Variants in CACNA1C observed in about 807,000 individuals in gnomAD.
CACNA1C encodes voltage-dependent L-type calcium channel subunit alpha-1C.
In CACNA1C, 30 loss-of-function variants were observed where a neutral mutation model predicts 229.0. The observed-to-expected ratio is 0.13, with a 90% CI of 0.10 to 0.18. CACNA1C has a LOEUF of 0.18. Among genes scored for constraint, CACNA1C ranks in the 10% least tolerant of loss-of-function variants. The probability of loss-of-function intolerance (pLI) is 1.00; values close to 1 mark genes in which losing one functional copy is unlikely to be tolerated. For missense variants in CACNA1C, 1,658 were observed against 2,845.0 expected, an observed-to-expected ratio of 0.58 and a Z score of 9.49; for synonymous variants, 1,114 against 1,132.5, an observed-to-expected ratio of 0.98 and a Z score of 0.33.
intron 3 of CACNA1C, among the ~76,000 whole-genome samples, chr12:2,242,380 G>T (rs892498661): frequency 1.3e-5 from 2 of 152,182 alleles, no homozygotes; most frequent in African/African-American, 4.8e-5. Flanking sequence ...AGGAACAATG[G>T]GGGACCAGGG....
intron 3 of CACNA1C, among the ~76,000 whole-genome samples, chr12:2,214,101 T>C (rs1010232502): frequency 1.3e-5 from 2 of 152,214 alleles, no homozygotes; most frequent in African/African-American, 4.8e-5. Context: ...CTGACATCTG[T>C]CCCTCAAGGG....
chr12:2,021,745 G>C (rs1354301727), intron 1 of CACNA1C, among the ~76,000 whole-genome samples: 4 of 152,154 alleles, frequency 2.6e-5, no homozygotes, highest in Non-Finnish European at 5.9e-5. Context: ...CTAGGCGCCA[G>C]CATCTGGTGA....
At chr12:2,211,880 G>A (rs543533382) in intron 3 of CACNA1C, among the ~76,000 whole-genome samples, 3 of 151,868 alleles carry the variant, frequency 2.0e-5, no homozygotes, top group Admixed American at 1.3e-4. Context: ...CACCACTCCC[G>A]GCTAATTTTT....
intron 43 of CACNA1C, among the ~76,000 whole-genome samples, 189 bp downstream of exon 43, chr12:2,682,867 A>AACACAAC: frequency 3.5e-4 from 1 of 2,860 alleles, no homozygotes; most frequent in Admixed American, 4.7e-3. Flanking sequence ...AACACACACA[A>AACACAAC]ACACACACAC....
intron 7 of CACNA1C, among the ~76,000 whole-genome samples, chr12:2,501,497 G>A (rs528375452): frequency 9.2e-5 from 14 of 152,278 alleles, no homozygotes; most frequent in Admixed American, 2.6e-4. Context: ...TTGAACAAAC[G>A]TGGACTCTGA....
chr12:2,679,915 T>C lies in CACNA1C; in HGVS notation c.5444+119T>C, dbSNP rs1301990791. 7 of 735,594 alleles carry C rather than the reference T, an allele frequency of 9.5e-6. No homozygotes were observed. In the African/African-American group the frequency reaches 1.2e-4, roughly 13 times the overall value. 45.6% of individuals were successfully genotyped at this position (735,594 alleles called of 1,614,324 possible). ...ACTTGTCCCTCAAGCTTCCAGGAGG[T>C]TGCTGCCCCAGACTCCAGCAAGAGC... On this transcript the variant is annotated intron_variant, in intron 42 of 46. Coordinates refer to ENST00000399655, the MANE Select transcript of CACNA1C (RefSeq NM_000719.7). The surrounding 1 kb of genome is among the most constrained non-coding windows in gnomAD (Gnocchi z 5.5).
At chr12:2,345,062 A>G (rs913994480) in intron 3 of CACNA1C, among the ~76,000 whole-genome samples, 1 of 148,892 alleles carries the variant, frequency 6.7e-6, no homozygotes, top group Admixed American at 6.8e-5. Flanking sequence ...TCTGGCCGTG[A>G]GCCCCATGTC....
intron 3 of CACNA1C, among the ~76,000 whole-genome samples, chr12:2,193,457 A>AAAAAAAAC (rs2097304357): frequency 6.6e-6 from 1 of 152,216 alleles, no homozygotes; most frequent in South Asian, 2.1e-4. Context: ...CCTGTCTCAA[A>AAAAAAAAC]AAAAAACAAA....
chr12:2,039,493 A>G (rs1481521528), intron 1 of CACNA1C, among the ~76,000 whole-genome samples: 1 of 152,238 alleles, frequency 6.6e-6, no homozygotes, highest in African/African-American at 2.4e-5. Context: ...TCAGATGTTT[A>G]TTAAGCACTT....
Position 2,651,490 on chromosome 12 carries a change from G to T in CACNA1C, c.3946-150G>T, listed in dbSNP as rs2094964650. On this transcript the variant is annotated intron_variant, in intron 31 of 46. Coordinates refer to ENST00000399655, the MANE Select transcript of CACNA1C (RefSeq NM_000719.7). The surrounding 1 kb of genome is among the most constrained non-coding windows in gnomAD (Gnocchi z 5.4). ...TGTCCACTCATTAAAGTGGGCGGCC[G>T]CCCTCCCATCGGAGGGGGAAGTCTA... 14 of 1,146,332 alleles carry T rather than the reference G, an allele frequency of 1.2e-5. No homozygotes were observed. Among genetic ancestry groups the T allele is most frequent in the Non-Finnish European group, 1.8e-5 (14 of 777,894 alleles). The allele number at this position is 1,146,332 out of a possible 1,614,324, so 71.0% of individuals were successfully genotyped here. A position where few individuals can be genotyped will look rare whatever the true frequency, so the allele number is the denominator to read the frequency against.
intron 9 of CACNA1C, among the ~76,000 whole-genome samples, chr12:2,541,192 T>C (rs2099869272): frequency 6.6e-6 from 1 of 152,162 alleles, no homozygotes; most frequent in African/African-American, 2.4e-5. Context: ...CTCAGAGGTA[T>C]GCGGGGGCTG....
At chr12:2,318,407 A>G (rs2154492943) in intron 3 of CACNA1C, among the ~76,000 whole-genome samples, 1 of 152,372 alleles carries the variant, frequency 6.6e-6, no homozygotes, top group East Asian at 1.9e-4. Flanking sequence ...CTGTTGAGCC[A>G]TAAGCCAGCA....
intron 8 of CACNA1C, among the ~76,000 whole-genome samples, chr12:2,508,011 C>A (rs1382847070): frequency 6.6e-6 from 1 of 152,240 alleles, no homozygotes; most frequent in African/African-American, 2.4e-5. Flanking sequence ...AGCCAGCAGG[C>A]ACACAGAATC....
chr12:2,375,589 T>C (rs1222505764), intron 3 of CACNA1C, among the ~76,000 whole-genome samples: 1 of 152,232 alleles, frequency 6.6e-6, no homozygotes, highest in Non-Finnish European at 1.5e-5. Context: ...GTATTTCAAC[T>C]TCCCATTTAT....
chr12:2,631,894 T>A (rs1191649443), intron 29 of CACNA1C, among the ~76,000 whole-genome samples: 1 of 152,094 alleles, frequency 6.6e-6, no homozygotes, highest in African/African-American at 2.4e-5. Flanking sequence ...TGTCTTTCGG[T>A]CCCTCTGGAA....
chr12:2,426,472 C>A (rs2099033437), intron 3 of CACNA1C, among the ~76,000 whole-genome samples: 1 of 152,134 alleles, frequency 6.6e-6, no homozygotes, highest in African/African-American at 2.4e-5. Flanking sequence ...CAGGTAAATT[C>A]TTACAGATAG....
chr12:2,364,517 T>A (rs2097669848), intron 3 of CACNA1C, among the ~76,000 whole-genome samples: 1 of 152,118 alleles, frequency 6.6e-6, no homozygotes, highest in Admixed American at 6.5e-5. Context: ...AAATGTGACT[T>A]CTTAATACCG....
chr12:2,329,366 A>G (rs1182067635), intron 3 of CACNA1C, among the ~76,000 whole-genome samples: 1 of 152,230 alleles, frequency 6.6e-6, no homozygotes, highest in Non-Finnish European at 1.5e-5. Flanking sequence ...CTGTCTTGAC[A>G]TTACCTAGCT....
chr12:2,452,656 AC>A lies in CACNA1C; in HGVS notation c.617+3544del, dbSNP rs569661167. Among the ~76,000 whole-genome samples, 6 of 152,156 alleles carry A rather than the reference AC, an allele frequency of 3.9e-5. No individual in the cohort carries two copies. In the South Asian group the frequency reaches 1.2e-3, roughly 32 times the overall value. ...GGAGAAATACACCAGCCACTCCTAC[AC>A]CCATGTTTGAATTTTCTACCCTTTC... On this transcript the variant is annotated intron_variant, in intron 4 of 46. Coordinates refer to ENST00000399655, the MANE Select transcript of CACNA1C (RefSeq NM_000719.7).
Sources: allele counts gnomAD v4.1 joint callset (sites outside exome capture counted in the v4.1 genomes callset), GRCh38; gene constraint gnomAD v4.1.1; non-coding constraint Gnocchi (gnomAD v3.1); transcripts MANE v1.5; gene names NCBI Gene and HGNC (gene_info 2026-07-23, HGNC 2026-07-21).